The following HSF2BP variants were observed in gnomAD, a reference collection of about 807,000 sequenced individuals.
The protein encoded by HSF2BP is heat shock factor 2-binding protein.
Under a neutral mutation model 35.0 loss-of-function variants are expected in HSF2BP, and 35 were observed. The observed-to-expected ratio is 1.00, with a 90% CI of 0.76 to 1.32. The LOEUF (loss-of-function observed/expected upper bound fraction) is 1.32, where lower values mean the gene tolerates loss of function less well. Ranked by LOEUF, HSF2BP falls within the 40% of genes most tolerant of loss-of-function variation. HSF2BP has a pLI of 0.00. For missense variants in HSF2BP, 326 were observed against 321.7 expected (o/e 1.01, Z -0.10); for synonymous variants, 114 against 117.4 (o/e 0.97, Z 0.18).
At chr21:43,641,915 C>CAAA (rs60587366) in intron 4 of HSF2BP, among the ~76,000 whole-genome samples, 13 of 114,020 alleles carry the variant, frequency 1.1e-4, no homozygotes, top group Non-Finnish European at 1.6e-4. Context: ...GACTCTGTCT[C>CAAA]AAAAAAAAAA....
At chr21:43,649,671 A>C (rs2082756546) in intron 3 of HSF2BP, among the ~76,000 whole-genome samples, 1 of 152,222 alleles carries the variant, frequency 6.6e-6, no homozygotes. Context: ...AGCTCCTCTG[A>C]GACTGTCAGT....
intron 4 of HSF2BP, among the ~76,000 whole-genome samples, chr21:43,636,860 C>CCAGCCTG (rs367706057): frequency 8.7e-5 from 13 of 148,922 alleles, no homozygotes; most frequent in African/African-American, 3.2e-4. Flanking sequence ...CCACTACACT[C>CCAGCCTG]CAGCCTGGGC....
In HSF2BP at chr21:43,574,109, C is replaced by T. The variant is rs184490786; in HGVS notation, c.796+18116G>A. On this transcript the variant is annotated intron_variant, in intron 8 of 8. Transcript: ENST00000291560. ...CTCACAGGGGGAGGAGGCCAGACCACAGGCCCAGCAGGATCTCTTACCAGA... is the reference window on the plus strand; with the variant it reads ...CTCACAGGGGGAGGAGGCCAGACCATAGGCCCAGCAGGATCTCTTACCAGA... 9.6e-4 allele frequency among the ~76,000 whole-genome samples: 146 copies of T among 152,318 alleles called. 2 individuals carry two copies. Among genetic ancestry groups the T allele is most frequent in the African/African-American group, 3.3e-3 (138 of 41,560 alleles).
intron 7 of HSF2BP, among the ~76,000 whole-genome samples, chr21:43,604,132 G>A (rs1284777010): frequency 6.6e-6 from 1 of 151,882 alleles, no homozygotes; most frequent in Admixed American, 6.6e-5. Flanking sequence ...TGGAAATACT[G>A]GAGCAAGAAA....
intron 8 of HSF2BP, among the ~76,000 whole-genome samples, chr21:43,573,545 C>G (rs1264365595): frequency 6.6e-6 from 1 of 152,212 alleles, no homozygotes; most frequent in Non-Finnish European, 1.5e-5. Context: ...TTCAGAAGGC[C>G]AGACCAAAAC....
At chr21:43,590,318 G>A (rs1387897575) in intron 8 of HSF2BP, among the ~76,000 whole-genome samples, 2 of 152,140 alleles carry the variant, frequency 1.3e-5, no homozygotes, top group Non-Finnish European at 2.9e-5. Context: ...GAAGTATCAC[G>A]GTATCCCTAT....
chr21:43,612,389 C>A (rs745457683), intron 7 of HSF2BP, among the ~76,000 whole-genome samples: 1 of 152,160 alleles, frequency 6.6e-6, no homozygotes, highest in African/African-American at 2.4e-5. Flanking sequence ...CAGGGGCTCA[C>A]GCCTGTAATC....
rs779540971 is a variant in HSF2BP at position 43,592,274 on chromosome 21, G to A, written c.747C>T (p.Tyr249=). The change falls in exon 8 of 9, where the codon TAC becomes TAT. Residue 249 remains tyrosine (Y), a synonymous_variant. Transcript: ENST00000291560. ...GGATGAATCCTGGACTCTCGCTGAT[G>A]TATTTCAAGCCTTTCAAATTGATGC... ...NVSINLKGLK[Y]ISESPGFIPL... is the part of the protein sequence containing the mutation. The A allele has an allele frequency of 1.7e-5, 27 of 1,613,778 alleles. No individual in the cohort carries two copies. In the South Asian group the frequency reaches 3.0e-4, roughly 18 times the overall value.
intron 2 of HSF2BP, 101 bp downstream of exon 2, chr21:43,657,960 C>G (rs1031877503): frequency 5.1e-5 from 78 of 1,520,864 alleles, no homozygotes; most frequent in Non-Finnish European, 5.9e-5. Flanking sequence ...CCCCCAAGCA[C>G]GCGACAGCGA....
intron 7 of HSF2BP, among the ~76,000 whole-genome samples, chr21:43,602,804 A>T (rs997036435): frequency 6.6e-6 from 1 of 152,172 alleles, no homozygotes; most frequent in African/African-American, 2.4e-5. Context: ...ATCCAAGGAG[A>T]GGGTTATCCT....
At chr21:43,647,038 T>G (rs1300725291) in intron 3 of HSF2BP, among the ~76,000 whole-genome samples, 1 of 152,248 alleles carries the variant, frequency 6.6e-6, no homozygotes, top group Admixed American at 6.5e-5. Context: ...TAAATTTATT[T>G]CACTTCTTTA....
chr21:43,652,328 G>A (rs1333315913), intron 3 of HSF2BP, among the ~76,000 whole-genome samples: 2 of 151,306 alleles, frequency 1.3e-5, no homozygotes, highest in South Asian at 2.1e-4. Flanking sequence ...GCTTGAACCC[G>A]GGAGGCAGAG....
At chr21:43,581,811 G>C (rs1237369903) in intron 8 of HSF2BP, among the ~76,000 whole-genome samples, 1 of 95,362 alleles carries the variant, frequency 1.0e-5, no homozygotes, top group African/African-American at 3.6e-5. Flanking sequence ...TGGTCAGAAG[G>C]GTCTGTGCTG....
chr21:43,648,308 A>T (rs888845583), intron 3 of HSF2BP, among the ~76,000 whole-genome samples: 7 of 152,194 alleles, frequency 4.6e-5, no homozygotes, highest in African/African-American at 1.7e-4. Context: ...GGACTAGAGA[A>T]GATGACCAAG....
intron 6 of HSF2BP, among the ~76,000 whole-genome samples, chr21:43,629,256 T>C (rs1430530720): frequency 6.6e-6 from 1 of 152,212 alleles, no homozygotes; most frequent in Non-Finnish European, 1.5e-5. Context: ...TTCACCATTC[T>C]AGATGCCATT....
At chr21:43,648,845 T>C (rs1261775920) in intron 3 of HSF2BP, among the ~76,000 whole-genome samples, 6 of 152,232 alleles carry the variant, frequency 3.9e-5, no homozygotes, top group African/African-American at 1.4e-4. Context: ...ATCCTACTGC[T>C]AAGAATCTAA....
intron 6 of HSF2BP, among the ~76,000 whole-genome samples, chr21:43,616,052 A>AAAAAATAT (rs57115434): frequency 8.3e-5 from 12 of 143,972 alleles, no homozygotes; most frequent in African/African-American, 2.6e-4. Flanking sequence ...AAAAAAAAAA[A>AAAAAATAT]ATATATATAT....
chr21:43,623,805 C>T (rs878961124), intron 6 of HSF2BP, among the ~76,000 whole-genome samples: 10 of 152,092 alleles, frequency 6.6e-5, no homozygotes, highest in South Asian at 2.1e-4. Flanking sequence ...AAAAAAAAGA[C>T]GAAAAAATAA....
At chr21:43,468,031 C>T in the HSF2BP span, among the ~76,000 whole-genome samples, 1 of 130,302 alleles carries the variant, frequency 7.7e-6, no homozygotes, top group Non-Finnish European at 1.6e-5. Context: ...ACACAGCACA[C>T]ACCACACCAC....
Sources: allele counts gnomAD v4.1 joint callset (sites outside exome capture counted in the v4.1 genomes callset), GRCh38; gene constraint gnomAD v4.1.1; transcripts MANE v1.5; gene names NCBI Gene and HGNC (gene_info 2026-07-23, HGNC 2026-07-21).